The following GTF2H5 variants were observed in gnomAD, a reference collection of about 807,000 sequenced individuals.
GTF2H5 encodes TFB5 ortholog.
A neutral mutation model predicts 7.1 loss-of-function variants in GTF2H5; 5 were observed. That is an observed-to-expected ratio of 0.71 (90% CI 0.37 to 1.49). The LOEUF (loss-of-function observed/expected upper bound fraction) is 1.49. Among genes scored for constraint, GTF2H5 ranks in the 40% most tolerant of loss-of-function variants. The probability of loss-of-function intolerance (pLI) is 0.03; values close to 1 mark genes in which losing one functional copy is unlikely to be tolerated. For synonymous variants in GTF2H5, 30 were observed against 31.7 expected (o/e 0.95, Z 0.18); for missense variants, 80 against 83.0 (o/e 0.96, Z 0.14).
At chr6:158,179,947 CCA>C (rs1370572869) in intron 2 of GTF2H5, among the ~76,000 whole-genome samples, 2 of 152,052 alleles carry the variant, frequency 1.3e-5, no homozygotes, top group Non-Finnish European at 2.9e-5. Context: ...CAGTTTTTGC[CCA>C]TACAGTATGA....
At chr6:158,168,763 C>T (rs982343501) in intron 1 of GTF2H5, among the ~76,000 whole-genome samples, 3 of 152,244 alleles carry the variant, frequency 2.0e-5, no homozygotes, top group Non-Finnish European at 2.9e-5. Flanking sequence ...TGGCCAGGAA[C>T]TACGGCTTAA....
chr6:158,190,163 G>A (rs768957388), intron 2 of GTF2H5, among the ~76,000 whole-genome samples: 18 of 151,568 alleles, frequency 1.2e-4, no homozygotes, highest in Non-Finnish European at 2.1e-4. Context: ...TAGGCCTCTC[G>A]AAGTGCTGGG....
chr6:158,170,671 A>C, intron 2 of GTF2H5, 133 bp downstream of exon 2: 1 of 723,506 alleles, frequency 1.4e-6, no homozygotes, highest in Non-Finnish European at 2.4e-6. Context: ...CAAGTGGCAC[A>C]GATTTTGTTG....
rs2128433396 is a variant in GTF2H5, at chr6:158,199,260, C to T, written c.*7103C>T. The T allele has an allele frequency of 1.3e-5, 2 of 151,644 alleles. No individual in the cohort carries two copies. Among genetic ancestry groups the T allele is most frequent in the Middle Eastern group, 6.8e-3 (2 of 294 alleles). The allele number at this position is 151,644 out of a possible 1,614,324, so 9.4% of individuals were successfully genotyped here. On this transcript the variant is annotated 3_prime_UTR_variant, in exon 3 of 3. Coordinates refer to ENST00000607778, the MANE Select transcript of GTF2H5 (RefSeq NM_207118.3). ...TTGGGTAATGTGTACAATAGAAGCC[C>T]AATCCCCACCTATACCCAATATATC...
intron 2 of GTF2H5, among the ~76,000 whole-genome samples, chr6:158,189,458 T>C (rs534505742): frequency 6.6e-6 from 1 of 152,174 alleles, no homozygotes; most frequent in Admixed American, 6.5e-5. Flanking sequence ...TTCCCTGGCC[T>C]CCTCTTCCAC....
intron 2 of GTF2H5, among the ~76,000 whole-genome samples, chr6:158,183,743 C>T (rs890060823): frequency 3.3e-5 from 5 of 152,220 alleles, no homozygotes; most frequent in African/African-American, 1.2e-4. Context: ...CCGCTTGTTG[C>T]GAAGACAGTG....
chr6:158,169,397 T>TGTATATTATATATTATATATAA (rs1379960506), intron 1 of GTF2H5, among the ~76,000 whole-genome samples: 2 of 77,638 alleles, frequency 2.6e-5, no homozygotes, highest in African/African-American at 1.1e-4. Context: ...ATATATAATA[T>TGTATATTATATATTATATATAA]TATATTGTAT....
At chr6:158,171,371 A>G (rs1258381440) in intron 2 of GTF2H5, among the ~76,000 whole-genome samples, 3 of 152,248 alleles carry the variant, frequency 2.0e-5, no homozygotes. Flanking sequence ...ATTTTACAGC[A>G]CATCTCACAG....
intron 2 of GTF2H5, among the ~76,000 whole-genome samples, chr6:158,190,070 CT>C (rs1301024570): frequency 1.8e-3 from 263 of 144,524 alleles, no homozygotes; most frequent in Middle Eastern, 3.6e-3. Flanking sequence ...AAAACTAAAC[CT>C]TTTTTTTTTT....
intron 2 of GTF2H5, among the ~76,000 whole-genome samples, chr6:158,183,638 G>A (rs1162621976): frequency 6.6e-6 from 1 of 152,188 alleles, no homozygotes; most frequent in Admixed American, 6.5e-5. Context: ...CCAAGCTCCG[G>A]TGTCCCAAGT....
At chr6:158,171,150 G>A (rs1325525996) in intron 2 of GTF2H5, among the ~76,000 whole-genome samples, 1 of 152,166 alleles carries the variant, frequency 6.6e-6, no homozygotes, top group Admixed American at 6.5e-5. Flanking sequence ...CTAGGACACT[G>A]CCAACATTTA....
chr6:158,181,174 G>T (rs1341919435), intron 2 of GTF2H5, among the ~76,000 whole-genome samples: 1 of 152,148 alleles, frequency 6.6e-6, no homozygotes, highest in African/African-American at 2.4e-5. Context: ...CCATGTAGTT[G>T]TGTGGTTTTG....
chr6:158,178,847 G>A (rs1254166554), intron 2 of GTF2H5, among the ~76,000 whole-genome samples: 1 of 152,168 alleles, frequency 6.6e-6, no homozygotes, highest in Non-Finnish European at 1.5e-5. Context: ...AAGCTCTTTA[G>A]TGTAATTAGA....
intron 2 of GTF2H5, among the ~76,000 whole-genome samples, chr6:158,187,519 G>A (rs1186353183): frequency 6.6e-6 from 1 of 152,124 alleles, no homozygotes; most frequent in Non-Finnish European, 1.5e-5. Flanking sequence ...CTGGAATTTG[G>A]TGTTTTATTC....
At position 158,196,835 on chromosome 6, in the gene GTF2H5, C is replaced by T. The variant is rs1583642566; in HGVS notation, c.*4678C>T. 1 of 152,212 alleles carries T rather than the reference C, an allele frequency of 6.6e-6. No individual in the cohort carries two copies. The highest frequency in any genetic ancestry group is 1.9e-4 in the East Asian group (1 of 5,194). The allele number at this position is 152,212 out of a possible 1,614,324, so 9.4% of individuals were successfully genotyped here. On this transcript the variant is annotated 3_prime_UTR_variant, in exon 3 of 3. Coordinates refer to ENST00000607778, the MANE Select transcript of GTF2H5 (RefSeq NM_207118.3). ...AAACCTACAGCAGCAGACCATGCCA[C>T]TTCGTGAGGAAAAAATTATCTCATT...
chr6:158,196,346 A>G lies in GTF2H5; in HGVS notation c.*4189A>G, dbSNP rs1396176989. 1.3e-5 allele frequency: 2 copies of G among 152,022 alleles called. No individual in the cohort carries two copies. Among genetic ancestry groups the G allele is most frequent in the African/African-American group, 4.8e-5 (2 of 41,366 alleles). 9.4% of individuals were successfully genotyped at this position (152,022 alleles called of 1,614,324 possible). On this transcript the variant is annotated 3_prime_UTR_variant, in exon 3 of 3. Transcript: ENST00000607778. ...TAGATTCCTTGAGTCCAAGTGTCAG[A>G]TCTCTGCTTACTAGCTCTGGGATCT... is the stretch of plus-strand genomic sequence containing the variant.
rs1003563689 is a variant in GTF2H5 at position 158,194,168 on chromosome 6, G to T, written c.*2011G>T. The T allele has an allele frequency of 6.6e-6, 1 of 152,058 alleles. No individual in the cohort carries two copies. Among genetic ancestry groups the T allele is most frequent in the Admixed American group, 6.6e-5 (1 of 15,254 alleles). The allele number at this position is 152,058 out of a possible 1,614,324, so 9.4% of individuals were successfully genotyped here. ...AATCCCAGAGTTCAAAAGGTATTAGGATTTTTGCCACTGAAGTAAAAAAGA... is the reference window on the plus strand; with the variant it reads ...AATCCCAGAGTTCAAAAGGTATTAGTATTTTTGCCACTGAAGTAAAAAAGA... On this transcript the variant is annotated 3_prime_UTR_variant, in exon 3 of 3. Coordinates refer to ENST00000607778, the MANE Select transcript of GTF2H5 (RefSeq NM_207118.3).
In GTF2H5 at chr6:158,169,699, A is replaced by AATATATTGTATATTATATATTATATG. The variant is rs1562469246; in HGVS notation, c.-34-746_-34-745insGATATATTGTATATTATATATTATAT. ...ATATAATATATAATATATATTATATAATATATTGTATATTATATATTATAT... is the reference window on the plus strand; with the variant it reads ...ATATAATATATAATATATATTATATAATATATTGTATATTATATATTATATGATATATTGTATATTATATATTATAT... On this transcript the variant is annotated intron_variant, in intron 1 of 2. Coordinates refer to ENST00000607778, the MANE Select transcript of GTF2H5 (RefSeq NM_207118.3). 1.3e-3 allele frequency among the ~76,000 whole-genome samples: 119 copies of AATATATTGTATATTATATATTATATG among 88,358 alleles called. 12 individuals carry two copies. Among genetic ancestry groups the AATATATTGTATATTATATATTATATG allele is most frequent in the Non-Finnish European group, 1.9e-3 (97 of 49,784 alleles). The allele number at this position is 88,358 out of a possible 152,430, so 58.0% of individuals were successfully genotyped here. A position where few individuals can be genotyped will look rare whatever the true frequency, so the allele number is the denominator to read the frequency against.
intron 2 of GTF2H5, among the ~76,000 whole-genome samples, chr6:158,172,155 G>C (rs2128429012): frequency 6.6e-6 from 1 of 151,904 alleles, no homozygotes; most frequent in East Asian, 1.9e-4. Context: ...TGGTGTTTTA[G>C]ATTCATTCAT....
Sources: gnomAD v4.1 joint callset for allele counts (sites outside exome capture counted in the v4.1 genomes callset) on GRCh38, gnomAD v4.1.1 for gene constraint, MANE v1.5 for transcripts, NCBI Gene and HGNC (gene_info 2026-07-23, HGNC 2026-07-21) for gene names.